COG5: variants seen among roughly 807,000 people sequenced by gnomAD.
COG5 encodes conserved oligomeric Golgi complex subunit 5.
In COG5, 86 loss-of-function variants were observed where a neutral mutation model predicts 110.4. The ratio of observed to expected loss-of-function variants is 0.78; its 90% confidence interval spans 0.65 to 0.93. The LOEUF (loss-of-function observed/expected upper bound fraction) is 0.93. COG5 is among the 40% of genes least tolerant of loss of function. COG5 has a pLI of 0.00. For missense variants in COG5, 1,077 were observed against 987.0 expected, an observed-to-expected ratio of 1.09 and a Z score of -1.22; for synonymous variants, 360 against 334.6, an observed-to-expected ratio of 1.08 and a Z score of -0.83.
At chr7:107,308,857 G>A (rs1807959523) in intron 11 of COG5, among the ~76,000 whole-genome samples, 1 of 150,000 alleles carries the variant, frequency 6.7e-6, no homozygotes, top group Non-Finnish European at 1.5e-5. Flanking sequence ...TTGGTAGATG[G>A]TCTATTCAAA....
At chr7:107,295,813 A>T (rs1310556363) in intron 12 of COG5, among the ~76,000 whole-genome samples, 2 of 152,066 alleles carry the variant, frequency 1.3e-5, no homozygotes, top group Non-Finnish European at 2.9e-5. Context: ...ATTTTTTGAG[A>T]CTGAGTCTTG....
chr7:107,526,060 C>G (rs1342943509), intron 6 of COG5, among the ~76,000 whole-genome samples: 1 of 152,168 alleles, frequency 6.6e-6, no homozygotes. Context: ...ATAAGCATTA[C>G]AGCATAGCAT....
chr7:107,523,875 A>C (rs1800529216), intron 6 of COG5, among the ~76,000 whole-genome samples: 1 of 152,166 alleles, frequency 6.6e-6, no homozygotes, highest in Non-Finnish European at 1.5e-5. Context: ...TAATCTTGGC[A>C]ATTTTTTAAA....
intron 7 of COG5, among the ~76,000 whole-genome samples, chr7:107,411,279 G>A (rs1792273624): frequency 6.6e-6 from 1 of 152,072 alleles, no homozygotes; most frequent in Non-Finnish European, 1.5e-5. Flanking sequence ...TTGATTAATA[G>A]AGTTATCTTT....
intron 6 of COG5, among the ~76,000 whole-genome samples, chr7:107,427,345 T>C (rs1360171904): frequency 2.0e-5 from 3 of 152,322 alleles, no homozygotes; most frequent in East Asian, 3.9e-4. Context: ...TCTTCTCTTA[T>C]TCACTTTTCT....
At chr7:107,332,976 A>G (rs1162165640) in intron 10 of COG5, among the ~76,000 whole-genome samples, 1 of 152,172 alleles carries the variant, frequency 6.6e-6, no homozygotes, top group Non-Finnish European at 1.5e-5. Flanking sequence ...AGGTAAGGAT[A>G]AGCAATACAA....
intron 6 of COG5, among the ~76,000 whole-genome samples, chr7:107,489,699 G>C (rs1192906581): frequency 3.3e-5 from 5 of 152,022 alleles, no homozygotes; most frequent in Admixed American, 1.3e-4. Context: ...ACTTATAAAG[G>C]AATGACCCTC....
chr7:107,371,595 C>G (rs1414939321), intron 8 of COG5, among the ~76,000 whole-genome samples: 1 of 151,912 alleles, frequency 6.6e-6, no homozygotes, highest in Admixed American at 6.6e-5. Flanking sequence ...GGAGAAAAAC[C>G]AGAAACATTA....
At chr7:107,426,539 G>A (rs796394265) in intron 6 of COG5, among the ~76,000 whole-genome samples, 7 of 152,256 alleles carry the variant, frequency 4.6e-5, no homozygotes, top group East Asian at 1.9e-4. Context: ...CTGGGCTGTA[G>A]GCTTGTATCC....
At chr7:107,515,854 G>C (rs1429536714) in intron 6 of COG5, among the ~76,000 whole-genome samples, 1 of 152,146 alleles carries the variant, frequency 6.6e-6, no homozygotes, top group East Asian at 1.9e-4. Context: ...GCAAAATAAA[G>C]TTTCTAAGCC....
chr7:107,208,740 G>T (rs1859294), intron 21 of COG5: 1 of 985,142 alleles, frequency 1.0e-6, no homozygotes, highest in African/African-American at 1.7e-5. Flanking sequence ...CAGGGTCCGA[G>T]CTAATCTTTA....
At chr7:107,274,982 G>A (rs1289651191) in intron 14 of COG5, among the ~76,000 whole-genome samples, 1 of 151,998 alleles carries the variant, frequency 6.6e-6, no homozygotes, top group Non-Finnish European at 1.5e-5. Context: ...TGTAGACACA[G>A]GGTCTCACTA....
intron 14 of COG5, among the ~76,000 whole-genome samples, chr7:107,261,199 T>G (rs1158790363): frequency 6.6e-6 from 1 of 152,178 alleles, no homozygotes; most frequent in Non-Finnish European, 1.5e-5. Context: ...CCTATGCAAC[T>G]GTAATCTCAA....
intron 12 of COG5, among the ~76,000 whole-genome samples, chr7:107,297,487 C>T (rs1013422363): frequency 1.4e-4 from 13 of 90,010 alleles, no homozygotes; most frequent in Admixed American, 8.6e-4. Flanking sequence ...ATCATTTTGT[C>T]GCCCAGGCTG....
intron 6 of COG5, among the ~76,000 whole-genome samples, chr7:107,483,343 A>T (rs1009631820): frequency 2.0e-5 from 3 of 152,170 alleles, no homozygotes; most frequent in Non-Finnish European, 4.4e-5. Flanking sequence ...TAATCATGAA[A>T]CTAACCTATC....
At chr7:107,503,880 T>A (rs1317757885) in intron 6 of COG5, among the ~76,000 whole-genome samples, 1 of 152,088 alleles carries the variant, frequency 6.6e-6, no homozygotes, top group African/African-American at 2.4e-5. Context: ...AATCTAGGAG[T>A]CTTCTGGAGC....
At chr7:107,220,184 C>T (rs545143684) in intron 19 of COG5, among the ~76,000 whole-genome samples, 1 of 152,338 alleles carries the variant, frequency 6.6e-6, no homozygotes, top group Admixed American at 6.5e-5. Context: ...TTCACAGAAT[C>T]AGTATATACA....
chr7:107,254,734 GA>G (rs897586786), intron 16 of COG5, among the ~76,000 whole-genome samples: 24 of 152,200 alleles, frequency 1.6e-4, no homozygotes, highest in Admixed American at 1.6e-3. Flanking sequence ...AAGATTCAGA[GA>G]AACTACCCTA....
In COG5 at chr7:107,202,674, A is replaced by AAATT. The variant is rs1208682235; in HGVS notation, c.*838_*841dup. ...TAGGAGGCTGCTGATAGGATTTTAA[A>AAATT]AATTAAAAACAATGTTAATAGTGGA... On this transcript the variant is annotated 3_prime_UTR_variant, in exon 22 of 22. Coordinates refer to ENST00000297135, the MANE Select transcript of COG5 (RefSeq NM_006348.5). 1 of 152,206 alleles carries AAATT rather than the reference A, an allele frequency of 6.6e-6. No homozygotes were observed. The highest frequency in any genetic ancestry group is 2.4e-5 in the African/African-American group (1 of 41,460). The allele number at this position is 152,206 out of a possible 1,614,324, so 9.4% of individuals were successfully genotyped here.
Sources: allele counts gnomAD v4.1 joint callset (sites outside exome capture counted in the v4.1 genomes callset), GRCh38; gene constraint gnomAD v4.1.1; transcripts MANE v1.5; gene names NCBI Gene and HGNC (gene_info 2026-07-23, HGNC 2026-07-21).